The following MACROD2 variants were observed in gnomAD, a reference collection of about 807,000 sequenced individuals.
MACROD2 encodes ADP-ribose glycohydrolase MACROD2.
A neutral mutation model predicts 70.4 loss-of-function variants in MACROD2; 36 were observed. The observed-to-expected ratio is 0.51, with a 90% CI of 0.39 to 0.68. The LOEUF is 0.68. Ranked by LOEUF, MACROD2 falls within the 30% of genes least tolerant of loss-of-function variation. The pLI, the probability that MACROD2 is intolerant of heterozygous loss-of-function variation, is 0.00. For missense variants in MACROD2, 496 were observed against 538.4 expected, an observed-to-expected ratio of 0.92 and a Z score of 0.78; for synonymous variants, 172 against 178.8, an observed-to-expected ratio of 0.96 and a Z score of 0.30.
intron 3 of MACROD2, among the ~76,000 whole-genome samples, chr20:14,255,710 TAAATAAATAAATAAA>T (rs1213350385): frequency 9.3e-6 from 1 of 107,066 alleles, no homozygotes; most frequent in East Asian, 2.8e-4. Context: ...AATAAATAAA[TAAATAAATAAATAAA>T]AAAGAAAATG....
At chr20:15,267,900 A>G (rs931002859) in intron 6 of MACROD2, among the ~76,000 whole-genome samples, 2 of 152,018 alleles carry the variant, frequency 1.3e-5, no homozygotes, top group Admixed American at 1.3e-4. Context: ...CGCTTTGCTG[A>G]GAGTTTTGTT....
chr20:15,608,601 A>G (rs144094312), intron 8 of MACROD2, among the ~76,000 whole-genome samples: 9 of 152,338 alleles, frequency 5.9e-5, no homozygotes, highest in African/African-American at 2.2e-4. Flanking sequence ...CATTTAAGTC[A>G]TTGACTTTTG....
intron 4 of MACROD2, among the ~76,000 whole-genome samples, chr20:14,562,880 A>G (rs1014282041): frequency 4.6e-5 from 7 of 151,734 alleles, no homozygotes; most frequent in African/African-American, 1.5e-4. Context: ...TTCTGGGGAT[A>G]TGCTAGATTC....
chr20:15,290,252 T>C (rs1044095929), intron 6 of MACROD2, among the ~76,000 whole-genome samples: 2 of 152,234 alleles, frequency 1.3e-5, no homozygotes, highest in African/African-American at 2.4e-5. Flanking sequence ...AAGTATCTAT[T>C]GGGCAGAATA....
intron 3 of MACROD2, among the ~76,000 whole-genome samples, chr20:14,105,847 G>A (rs1416964643): frequency 6.6e-6 from 1 of 152,152 alleles, no homozygotes; most frequent in Admixed American, 6.5e-5. Context: ...AGAGTTGTGA[G>A]GCCCCCTTTC....
At chr20:14,138,564 A>G (rs1245291463) in intron 3 of MACROD2, among the ~76,000 whole-genome samples, 1 of 152,184 alleles carries the variant, frequency 6.6e-6, no homozygotes, top group Non-Finnish European at 1.5e-5. Context: ...TCTCATAGAA[A>G]TTTTAGAGCA....
At chr20:15,970,009 AT>A (rs1410843979) in intron 13 of MACROD2, among the ~76,000 whole-genome samples, 3 of 152,148 alleles carry the variant, frequency 2.0e-5, no homozygotes, top group Non-Finnish European at 2.9e-5. Flanking sequence ...TAAACAAAAC[AT>A]CTAAAAAGCT....
intron 5 of MACROD2, among the ~76,000 whole-genome samples, chr20:14,706,186 C>T (rs1043046755): frequency 2.0e-5 from 3 of 151,948 alleles, no homozygotes; most frequent in Non-Finnish European, 4.4e-5. Flanking sequence ...TGGTGGCACA[C>T]ACCTGTAGTC....
At chr20:15,881,082 A>G (rs2064748163) in intron 9 of MACROD2, among the ~76,000 whole-genome samples, 1 of 152,092 alleles carries the variant, frequency 6.6e-6, no homozygotes, top group South Asian at 2.1e-4. Context: ...TTGAGGGAAA[A>G]GATTGCTAAC....
At chr20:15,798,867 G>GC (rs1285008216) in intron 8 of MACROD2, among the ~76,000 whole-genome samples, 1 of 152,106 alleles carries the variant, frequency 6.6e-6, no homozygotes, top group Admixed American at 6.5e-5. Flanking sequence ...CTTTTCTATG[G>GC]CCCCATTGCC....
intron 5 of MACROD2, among the ~76,000 whole-genome samples, chr20:14,810,361 C>G (rs2072694138): frequency 6.6e-6 from 1 of 152,026 alleles, no homozygotes; most frequent in African/African-American, 2.4e-5. Flanking sequence ...TCAATAGATA[C>G]AGGAAAAGCC....
At position 15,218,093 on chromosome 20, in the gene MACROD2, T is replaced by A. The variant is rs562707074; in HGVS notation, c.419-11847T>A. ...AAATGAGTTATTTTTTATTGTCCTT[T>A]TTTCTTTTACTCTTAACTAACACTT... On this transcript the variant is annotated intron_variant, in intron 5 of 17. Coordinates refer to ENST00000684519, the MANE Select transcript of MACROD2 (RefSeq NM_001351661.2). Among the ~76,000 whole-genome samples the A allele has an allele frequency of 3.9e-5, 6 of 152,314 alleles. 1 individual carries two copies. The South Asian group carries it at 1.2e-3, about 32-fold the overall frequency.
Position 15,602,155 on chromosome 20 carries a change from G to A in MACROD2, c.645+102308G>A, listed in dbSNP as rs577623303. 3.0e-4 allele frequency among the ~76,000 whole-genome samples: 46 copies of A among 152,280 alleles called. No homozygotes were observed. The South Asian group carries it at 4.8e-3, about 16-fold the overall frequency. On this transcript the variant is annotated intron_variant, in intron 8 of 17. Coordinates refer to ENST00000684519, the MANE Select transcript of MACROD2 (RefSeq NM_001351661.2). ...AGAATGTAGACCCCAACCTCCTGCC[G>A]TGATGGGAGTGTTAAGCTGGAGCTA... is the stretch of plus-strand genomic sequence containing the variant.
intron 3 of MACROD2, among the ~76,000 whole-genome samples, chr20:14,189,314 G>A (rs2081367343): frequency 6.6e-6 from 1 of 152,090 alleles, no homozygotes; most frequent in Non-Finnish European, 1.5e-5. Context: ...AGCCTTAAAA[G>A]TACTTATTTC....
chr20:14,569,491 A>G (rs1283183493), intron 4 of MACROD2, among the ~76,000 whole-genome samples: 1 of 152,016 alleles, frequency 6.6e-6, no homozygotes, highest in Non-Finnish European at 1.5e-5. Flanking sequence ...GTGCCTATTC[A>G]GTATCCTCCA....
chr20:14,345,246 A>T (rs1190504825), intron 3 of MACROD2, among the ~76,000 whole-genome samples: 3 of 152,036 alleles, frequency 2.0e-5, no homozygotes, highest in Non-Finnish European at 2.9e-5. Context: ...ATTAAGTACA[A>T]TTGTCACTCA....
chr20:15,727,802 T>G (rs1205732137), intron 8 of MACROD2, among the ~76,000 whole-genome samples: 6 of 152,176 alleles, frequency 3.9e-5, no homozygotes, highest in Non-Finnish European at 8.8e-5. Context: ...CTGAAGTTGA[T>G]TATCAGATCT....
chr20:16,028,535 A>G (rs1476609031), intron 15 of MACROD2, among the ~76,000 whole-genome samples: 1 of 152,160 alleles, frequency 6.6e-6, no homozygotes, highest in African/African-American at 2.4e-5. Flanking sequence ...TCTATATATC[A>G]GGATCTCGTG....
At chr20:15,219,345 A>G (rs576943210) in intron 5 of MACROD2, among the ~76,000 whole-genome samples, 1 of 152,174 alleles carries the variant, frequency 6.6e-6, no homozygotes, top group Non-Finnish European at 1.5e-5. Flanking sequence ...TGACTGATCT[A>G]CTGGGCCCAG....
Sources: allele counts gnomAD v4.1 joint callset (sites outside exome capture counted in the v4.1 genomes callset), GRCh38; gene constraint gnomAD v4.1.1; transcripts MANE v1.5; gene names NCBI Gene and HGNC (gene_info 2026-07-23, HGNC 2026-07-21).